PLEKHG1: variants seen among roughly 807,000 people sequenced by gnomAD.
PLEKHG1 encodes pleckstrin homology domain-containing family G member 1.
A neutral mutation model predicts 100.8 loss-of-function variants in PLEKHG1; 44 were observed. The ratio of observed to expected loss-of-function variants is 0.44; its 90% confidence interval spans 0.34 to 0.56. PLEKHG1 has a LOEUF of 0.56. PLEKHG1 is among the 20% of genes least tolerant of loss of function. The pLI is 0.01. For missense variants in PLEKHG1, 1,545 were observed against 1,720.9 expected (o/e 0.90, Z 1.81); for synonymous variants, 640 against 662.5 (o/e 0.97, Z 0.52).
exon 16 of PLEKHG1, chr6:150,842,732 T>C (rs1777581912): frequency 6.6e-6 from 1 of 152,208 alleles, no homozygotes; most frequent in African/African-American, 2.4e-5. Flanking sequence ...TTTGTTTGTT[T>C]TTTTCTTGAG....
At chr6:150,797,956 TAAA>T (rs1005315318) in intron 5 of PLEKHG1, among the ~76,000 whole-genome samples, 1 of 146,138 alleles carries the variant, frequency 6.8e-6, no homozygotes, top group Non-Finnish European at 1.5e-5. Flanking sequence ...CAGTTTCCCC[TAAA>T]AAAAACAAAA....
At chr6:150,745,990 G>A (rs1268728287) in intron 2 of PLEKHG1, among the ~76,000 whole-genome samples, 2 of 151,334 alleles carry the variant, frequency 1.3e-5, no homozygotes, top group African/African-American at 2.4e-5. Context: ...TAGACTGAGA[G>A]GAAAGAGAAA....
At chr6:150,819,161 C>T (rs749457602) in intron 11 of PLEKHG1, among the ~76,000 whole-genome samples, 12 of 146,842 alleles carry the variant, frequency 8.2e-5, no homozygotes, top group Non-Finnish European at 1.6e-4. Flanking sequence ...TCACGCCTGT[C>T]ATCCCAGCTA....
intron 3 of PLEKHG1, among the ~76,000 whole-genome samples, chr6:150,694,849 A>G (rs1780483553): frequency 1.3e-5 from 2 of 152,180 alleles, no homozygotes; most frequent in Non-Finnish European, 2.9e-5. Context: ...AATTCCTAGT[A>G]ACTGGAGCTG....
intron 2 of PLEKHG1, among the ~76,000 whole-genome samples, chr6:150,644,332 G>GGGT (rs1562404967): frequency 3.1e-5 from 3 of 96,564 alleles, no homozygotes; most frequent in Admixed American, 1.2e-4. Flanking sequence ...TTTTCTTTTC[G>GGGT]TGTTTTTTTT....
intron 1 of PLEKHG1, among the ~76,000 whole-genome samples, chr6:150,606,287 A>G (rs80048342): frequency 6.6e-6 from 1 of 152,348 alleles, no homozygotes; most frequent in East Asian, 1.9e-4. Flanking sequence ...CTTAATGCAC[A>G]TAAATGCCAT....
chr6:150,658,256 A>G (rs368518450), intron 3 of PLEKHG1, among the ~76,000 whole-genome samples: 2 of 152,342 alleles, frequency 1.3e-5, no homozygotes, highest in African/African-American at 4.8e-5. Flanking sequence ...TACATCTGTG[A>G]TAAAAACTTT....
At chr6:150,651,603 A>G (rs1400257907) in intron 3 of PLEKHG1, among the ~76,000 whole-genome samples, 6 of 152,096 alleles carry the variant, frequency 3.9e-5, no homozygotes, top group African/African-American at 1.2e-4. Context: ...TCACGCCCCT[A>G]ATCCCAGCAC....
At chr6:150,809,473 C>T (rs1303001469) in exon 9 of PLEKHG1, 2 of 1,612,548 alleles carry the variant, frequency 1.2e-6, no homozygotes, top group South Asian at 1.1e-5. Context: ...AGCACACAGT[C>T]CAGGTAGCAG....
At chr6:150,715,199 AG>A (rs1781379343) in intron 3 of PLEKHG1, among the ~76,000 whole-genome samples, 1 of 152,220 alleles carries the variant, frequency 6.6e-6, no homozygotes. Flanking sequence ...TTTTAAAAAA[AG>A]AAGTTAGCTT....
chr6:150,629,382 A>C (rs1404923977), intron 1 of PLEKHG1, among the ~76,000 whole-genome samples: 1 of 152,222 alleles, frequency 6.6e-6, no homozygotes. Flanking sequence ...TATTATATGC[A>C]ATTAAGATTT....
chr6:150,839,350 A>G (rs1286660944), intron 15 of PLEKHG1, among the ~76,000 whole-genome samples: 1 of 152,138 alleles, frequency 6.6e-6, no homozygotes, highest in Non-Finnish European at 1.5e-5. Context: ...TCCTGACCTC[A>G]AGTGATCCAC....
chr6:150,759,481 G>A (rs1307012130), intron 2 of PLEKHG1, among the ~76,000 whole-genome samples: 1 of 152,112 alleles, frequency 6.6e-6, no homozygotes, highest in Non-Finnish European at 1.5e-5. Context: ...TAAAACCTTT[G>A]AAGTGACCCT....
chr6:150,814,732 A>G (rs1181430249), intron 10 of PLEKHG1, among the ~76,000 whole-genome samples: 1 of 152,174 alleles, frequency 6.6e-6, no homozygotes, highest in Non-Finnish European at 1.5e-5. Context: ...GTTTTGAAAC[A>G]GCGTCTCACT....
intron 2 of PLEKHG1, among the ~76,000 whole-genome samples, chr6:150,742,228 A>C (rs1275000365): frequency 6.6e-6 from 1 of 152,188 alleles, no homozygotes; most frequent in Non-Finnish European, 1.5e-5. Flanking sequence ...GGAAGCCTCC[A>C]ACCATGGCAG....
At chr6:150,677,771 G>A (rs1243675437) in intron 3 of PLEKHG1, among the ~76,000 whole-genome samples, 2 of 152,068 alleles carry the variant, frequency 1.3e-5, no homozygotes, top group Non-Finnish European at 1.5e-5. Flanking sequence ...CAGCTACTTG[G>A]GAGATTGAGG....
At chr6:150,830,702 A>G in exon 15 of PLEKHG1, 1 of 1,614,194 alleles carries the variant, frequency 6.2e-7, no homozygotes, top group Non-Finnish European at 8.5e-7. Context: ...AGCTCTCAGA[A>G]ACATCTGGAC....
chr6:150,639,543 T>A (rs1170337308), intron 2 of PLEKHG1, among the ~76,000 whole-genome samples: 21 of 152,096 alleles, frequency 1.4e-4, no homozygotes, highest in Non-Finnish European at 4.4e-5. Flanking sequence ...TCTGTTCCTA[T>A]CCTTTTTTTT....
intron 7 of PLEKHG1, among the ~76,000 whole-genome samples, chr6:150,805,182 G>A (rs549181373): frequency 6.6e-6 from 1 of 152,086 alleles, no homozygotes; most frequent in African/African-American, 2.4e-5. Context: ...TGATCCGCCT[G>A]CCTTGGCCTC....
Sources: allele counts gnomAD v4.1 joint callset (sites outside exome capture counted in the v4.1 genomes callset), GRCh38; gene constraint gnomAD v4.1.1; transcripts MANE v1.5; gene names NCBI Gene and HGNC (gene_info 2026-07-23, HGNC 2026-07-21).